Variants in NHSL1 observed in about 807,000 individuals in gnomAD.
The protein encoded by NHSL1 is NHS like 1, also known as NHS-like protein 1.
In NHSL1, 48 loss-of-function variants were observed where a neutral mutation model predicts 95.0. The ratio of observed to expected loss-of-function variants is 0.51; its 90% CI spans 0.40 to 0.64. NHSL1 has a LOEUF of 0.64. NHSL1 is among the 30% of genes least tolerant of loss of function. NHSL1 has a pLI of 0.00. For missense variants in NHSL1, 1,971 were observed against 2,077.7 expected (o/e 0.95, Z 1.00); for synonymous variants, 783 against 833.9 (o/e 0.94, Z 1.05).
chr6:138,508,675 G>A (rs754454340), intron 1 of NHSL1, among the ~76,000 whole-genome samples: 2 of 152,034 alleles, frequency 1.3e-5, no homozygotes, highest in Non-Finnish European at 2.9e-5. Context: ...AATCTGCCTC[G>A]GATGCTTGAT....
intron 1 of NHSL1, among the ~76,000 whole-genome samples, chr6:138,607,056 C>A (rs1158264159): frequency 1.3e-5 from 2 of 152,070 alleles, no homozygotes; most frequent in African/African-American, 4.8e-5. Context: ...AGAGGAGGTG[C>A]CCCCAGGTGC....
At chr6:138,630,426 C>G (rs1784803574) in intron 1 of NHSL1, among the ~76,000 whole-genome samples, 1 of 152,070 alleles carries the variant, frequency 6.6e-6, no homozygotes, top group African/African-American at 2.4e-5. Context: ...GAGTTTCGCT[C>G]TTATTGCCCA....
At chr6:138,556,155 T>C (rs901415730) in intron 1 of NHSL1, among the ~76,000 whole-genome samples, 29 of 152,050 alleles carry the variant, frequency 1.9e-4, no homozygotes, top group African/African-American at 5.5e-4. Flanking sequence ...AAGAGCTCTC[T>C]CTAAATAATT....
chr6:138,640,608 A>T (rs1420254305), intron 1 of NHSL1, among the ~76,000 whole-genome samples: 1 of 152,148 alleles, frequency 6.6e-6, no homozygotes, highest in African/African-American at 2.4e-5. Flanking sequence ...ATTTTCCTTT[A>T]TCTAGCTTTC....
chr6:138,548,045 C>T (rs1007468385), upstream of NHSL1, among the ~76,000 whole-genome samples: 2 of 152,158 alleles, frequency 1.3e-5, no homozygotes, highest in African/African-American at 4.8e-5. Context: ...TGCAGTGGCA[C>T]GATCTTGGCT....
intron 1 of NHSL1, among the ~76,000 whole-genome samples, chr6:138,683,226 A>G (rs938026267): frequency 3.9e-5 from 6 of 152,210 alleles, no homozygotes; most frequent in Non-Finnish European, 5.9e-5. Flanking sequence ...ATACTTTCAC[A>G]TGCCTGTGCA....
At chr6:138,527,944 T>C (rs1031863803) in intron 1 of NHSL1, among the ~76,000 whole-genome samples, 12 of 152,188 alleles carry the variant, frequency 7.9e-5, no homozygotes, top group Non-Finnish European at 1.6e-4. Context: ...TCATTAGTGA[T>C]TAGAAAGCCT....
chr6:138,516,204 G>C (rs1017830740), intron 1 of NHSL1, among the ~76,000 whole-genome samples: 1 of 152,170 alleles, frequency 6.6e-6, no homozygotes, highest in Non-Finnish European at 1.5e-5. Context: ...AGCAAGGCAT[G>C]TAGTGATCAT....
At chr6:138,436,707 A>C (rs1776123906) in intron 5 of NHSL1, among the ~76,000 whole-genome samples, 1 of 152,224 alleles carries the variant, frequency 6.6e-6, no homozygotes, top group Non-Finnish European at 1.5e-5. Context: ...CAAGAGGAGG[A>C]GTCAATGCCT....
At chr6:138,437,296 G>GTATATATA (rs144143973) in intron 5 of NHSL1, among the ~76,000 whole-genome samples, 61 of 96,104 alleles carry the variant, frequency 6.3e-4, no homozygotes, top group African/African-American at 2.5e-3. Flanking sequence ...ATACACAAAT[G>GTATATATA]TATATATATA....
Position 138,681,891 on chromosome 6 carries a change from G to A in NHSL1, c.96+10585C>T, listed in dbSNP as rs144033629. On this transcript the variant is annotated intron_variant, in intron 1 of 3. Transcript: ENST00000491526. ...CTTTAACAATTTTTAATCATAACAG[G>A]GAGTGCAGGGGAAGTAAAGTATAAC... is the stretch of plus-strand genomic sequence containing the variant. Among the ~76,000 whole-genome samples, 537 of 152,110 alleles carry A rather than the reference G, an allele frequency of 3.5e-3. 4 individuals are homozygous for A. The highest frequency in any genetic ancestry group is 0.013 in the African/African-American group (521 of 41,500).
At chr6:138,642,349 G>A (rs1413700657) in intron 1 of NHSL1, among the ~76,000 whole-genome samples, 1 of 152,116 alleles carries the variant, frequency 6.6e-6, no homozygotes, top group Non-Finnish European at 1.5e-5. Flanking sequence ...ACCTGGATGA[G>A]TCAGGAAAAG....
chr6:138,605,614 T>G (rs189796202), intron 1 of NHSL1, among the ~76,000 whole-genome samples: 15 of 152,354 alleles, frequency 9.8e-5, no homozygotes, highest in African/African-American at 3.6e-4. Flanking sequence ...ACCACGACTT[T>G]GATTTGAAAG....
upstream of NHSL1, among the ~76,000 whole-genome samples, chr6:138,546,427 C>CAAA (rs1177720465): frequency 7.1e-3 from 364 of 50,976 alleles, 5 homozygotes; most frequent in South Asian, 8.4e-3. Context: ...CCCATCTCTA[C>CAAA]AAAAAAAAAA....
chr6:138,571,188 TATC>T (rs1783826127), intron 1 of NHSL1, among the ~76,000 whole-genome samples: 1 of 152,160 alleles, frequency 6.6e-6, no homozygotes, highest in African/African-American at 2.4e-5. Flanking sequence ...GGGACCAACA[TATC>T]AGTGTTAAGC....
At chr6:138,503,020 G>A (rs1583316847), upstream of NHSL1, among the ~76,000 whole-genome samples, 1 of 152,050 alleles carries the variant, frequency 6.6e-6, no homozygotes, top group Admixed American at 6.6e-5. Flanking sequence ...CCAACACCTC[G>A]AGTAATTGCT....
In NHSL1 at chr6:138,520,354, T is replaced by C. The variant is rs556861115; in HGVS notation, c.17-23983A>G. Among the ~76,000 whole-genome samples, 51 of 142,602 alleles carry C rather than the reference T, an allele frequency of 3.6e-4. No individual in the cohort carries two copies. The East Asian group carries it at 6.8e-3, about 19-fold the overall frequency. The allele number at this position is 142,602 out of a possible 152,430, so 93.6% of individuals were successfully genotyped here. ...ACCAGGCTGGAGTGCAGTGGTGCGA[T>C]CTTGGCTCACTGCAACCTCTGCCTC... On this transcript the variant is annotated intron_variant, in intron 1 of 4. Transcript: ENST00000342260.
intron 1 of NHSL1, among the ~76,000 whole-genome samples, chr6:138,675,821 A>AC (rs918125960): frequency 3.9e-5 from 6 of 152,196 alleles, no homozygotes; most frequent in African/African-American, 1.4e-4. Flanking sequence ...GGCATGAGCC[A>AC]CCGCACCTGG....
At chr6:138,654,556 C>T (rs981303013) in intron 1 of NHSL1, among the ~76,000 whole-genome samples, 1 of 152,024 alleles carries the variant, frequency 6.6e-6, no homozygotes, top group East Asian at 1.9e-4. Flanking sequence ...ATACTAAGAA[C>T]AGCAGGTATT....
Sources: allele counts gnomAD v4.1 joint callset (sites outside exome capture counted in the v4.1 genomes callset), GRCh38; gene constraint gnomAD v4.1.1; transcripts MANE v1.5; gene names NCBI Gene and HGNC (gene_info 2026-07-23, HGNC 2026-07-21).